Variants in N4BP2L2 observed in about 807,000 individuals in gnomAD.
N4BP2L2 encodes NEDD4 binding protein 2 like 2, also known as NEDD4-binding protein 2-like 2.
A neutral mutation model predicts 56.2 loss-of-function variants in N4BP2L2; 50 were observed. The observed-to-expected ratio is 0.89, with a 90% CI of 0.71 to 1.13. The LOEUF (loss-of-function observed/expected upper bound fraction) is 1.13. Among genes scored for constraint, N4BP2L2 ranks in the 50% most tolerant of loss-of-function variants. The pLI, the probability that N4BP2L2 is intolerant of heterozygous loss-of-function variation, is 0.00. For missense variants in N4BP2L2, 689 were observed against 693.8 expected (o/e 0.99, Z 0.08); for synonymous variants, 203 against 223.6 (o/e 0.91, Z 0.82).
rs1244319324 is a variant in N4BP2L2, at chr13:32,443,713, C to T, written c.779G>A (p.Cys260Tyr). ...GGAAAGGTTTTGAGTCAGTATTGGA[C>T]AAGTAACGGAGATTTCATTTGGCCT... The change falls in exon 7 of 10, where the codon TGT (cysteine) becomes TAT (tyrosine). Residue 260 changes from cysteine (C) to tyrosine (Y), a missense_variant. Cys to Tyr is a radical substitution (Grantham distance 194). Transcript: ENST00000357505. The T allele has an allele frequency of 1.9e-6, 3 of 1,588,952 alleles. No homozygotes were observed. The East Asian group carries it at 6.7e-5, about 36-fold the overall frequency.
At chr13:32,457,210 T>G (rs2079120962) in intron 6 of N4BP2L2, among the ~76,000 whole-genome samples, 1 of 151,988 alleles carries the variant, frequency 6.6e-6, no homozygotes, top group Non-Finnish European at 1.5e-5. Context: ...ATAAAAAGAA[T>G]GAACAAAACC....
chr13:32,500,797 C>T (rs1566133542), intron 6 of N4BP2L2, among the ~76,000 whole-genome samples: 1 of 150,732 alleles, frequency 6.6e-6, no homozygotes, highest in Non-Finnish European at 1.5e-5. Flanking sequence ...CGTCTTGTGC[C>T]TTCCAACATG....
chr13:32,441,327 G>T (rs1005850025), intron 7 of N4BP2L2, among the ~76,000 whole-genome samples: 1 of 152,110 alleles, frequency 6.6e-6, no homozygotes, highest in East Asian at 1.9e-4. Flanking sequence ...GTTGTATTTG[G>T]GAGCTATAAT....
chr13:32,447,061 CTCTT>C (rs2077155982), intron 6 of N4BP2L2, among the ~76,000 whole-genome samples: 1 of 152,176 alleles, frequency 6.6e-6, no homozygotes, highest in Non-Finnish European at 1.5e-5. Context: ...ATTTCCTTCT[CTCTT>C]TTTCTTCCTC....
chr13:32,492,916 G>GTTTTTTT lies in N4BP2L2; in HGVS notation c.365+24934_365+24940dup, dbSNP rs35025430. 1.0e-3 allele frequency among the ~76,000 whole-genome samples: 108 copies of GTTTTTTT among 107,492 alleles called. 2 individuals are homozygous for GTTTTTTT. Among genetic ancestry groups the GTTTTTTT allele is most frequent in the African/African-American group, 3.6e-3 (99 of 27,132 alleles). 70.5% of individuals were successfully genotyped at this position (107,492 alleles called of 152,430 possible). ...TGTGTGAATGTTTTGTAGCTTTTCTGTTTTTTTTTTTTTTTTTTTTGAGAC... is the reference window on the plus strand; with the variant it reads ...TGTGTGAATGTTTTGTAGCTTTTCTGTTTTTTTTTTTTTTTTTTTTTTTTTTTGAGAC... On this transcript the variant is annotated intron_variant, in intron 6 of 9. Transcript: ENST00000357505.
intron 6 of N4BP2L2, among the ~76,000 whole-genome samples, chr13:32,488,794 T>C (rs2086445955): frequency 6.6e-6 from 1 of 152,202 alleles, no homozygotes; most frequent in Non-Finnish European, 1.5e-5. Context: ...TCCAAATATT[T>C]TCTTCAGTAA....
At chr13:32,439,854 TCCAAA>T (rs1470691668) in intron 7 of N4BP2L2, among the ~76,000 whole-genome samples, 6,200 of 43,448 alleles carry the variant, frequency 0.14, 509 homozygotes, top group African/African-American at 0.29. Context: ...CTATTAAGAA[TCCAAA>T]AAAAAAAAAA....
intron 2 of N4BP2L2, among the ~76,000 whole-genome samples, chr13:32,528,126 C>A (rs2053615015): frequency 1.3e-5 from 2 of 152,162 alleles, no homozygotes; most frequent in African/African-American, 2.4e-5. Context: ...ACATTATTTA[C>A]CCAATCTCAA....
rs149282576 is a variant in N4BP2L2, at chr13:32,483,414, T to C, written c.365+34443A>G. The stretch of plus-strand genomic sequence containing the variant: ...TTAACCTCTATATTCTTATCTAAAA[T>C]TTCCTCATTAAAGCTATTAAGGTAA... On this transcript the variant is annotated intron_variant, in intron 6 of 9. Coordinates refer to the N4BP2L2 transcript ENST00000357505. Among the ~76,000 whole-genome samples, 299 of 152,346 alleles carry C rather than the reference T, an allele frequency of 2.0e-3. 2 individuals carry two copies. The highest frequency in any genetic ancestry group is 7.0e-3 in the African/African-American group (290 of 41,580).
At chr13:32,438,593 C>T in intron 8 of N4BP2L2, 2 of 1,358,800 alleles carry the variant, frequency 1.5e-6, no homozygotes, top group Non-Finnish European at 2.0e-6. Flanking sequence ...GAATGAAACT[C>T]CGTCTCAAAC....
exon 6 of N4BP2L2, chr13:32,513,712 A>G (rs1005665532): frequency 6.6e-6 from 1 of 152,168 alleles, no homozygotes; most frequent in African/African-American, 2.4e-5. Flanking sequence ...TCATAAGCTA[A>G]GATTTTGTTA....
chr13:32,493,346 T>C (rs181582199), intron 6 of N4BP2L2, among the ~76,000 whole-genome samples: 1 of 152,268 alleles, frequency 6.6e-6, no homozygotes, highest in East Asian at 1.9e-4. Context: ...GTTGCACATG[T>C]CCAAGAATTA....
chr13:32,439,129 C>G (rs945699339), intron 7 of N4BP2L2, among the ~76,000 whole-genome samples: 1 of 152,202 alleles, frequency 6.6e-6, no homozygotes, highest in Non-Finnish European at 1.5e-5. Flanking sequence ...TGTACAAACA[C>G]GGCTTATAAT....
chr13:32,459,710 C>T (rs1031556773), intron 6 of N4BP2L2, among the ~76,000 whole-genome samples: 2 of 152,032 alleles, frequency 1.3e-5, no homozygotes, highest in Non-Finnish European at 2.9e-5. Context: ...TAACGAACAT[C>T]CTATGCTCAT....
chr13:32,459,244 ACAGC>A (rs2079545293), intron 6 of N4BP2L2, among the ~76,000 whole-genome samples: 1 of 152,138 alleles, frequency 6.6e-6, no homozygotes, highest in Non-Finnish European at 1.5e-5. Flanking sequence ...AAAAGCAAAA[ACAGC>A]CAACCCCAAA....
Position 32,522,335 on chromosome 13 carries a change from A to G in N4BP2L2, c.1385-65T>C, listed in dbSNP as rs2051206378. ...AGGTTAAAACACACAAAAGTTAAAC[A>G]TTTATTATTAAGAAATGTACTACGT... On this transcript the variant is annotated intron_variant, in intron 3 of 5. Transcript: ENST00000267068. The G allele has an allele frequency of 1.0e-5, 11 of 1,079,012 alleles. No homozygotes were observed. The South Asian group carries it at 1.6e-4, about 16-fold the overall frequency. The allele number at this position is 1,079,012 out of a possible 1,614,324, so 66.8% of individuals were successfully genotyped here. A position where few individuals can be genotyped will look rare whatever the true frequency, so the allele number is the denominator to read the frequency against.
chr13:32,510,311 T>C (rs1266454257), exon 6 of N4BP2L2: 1 of 152,084 alleles, frequency 6.6e-6, no homozygotes, highest in Non-Finnish European at 1.5e-5. Flanking sequence ...AATCCATTTA[T>C]TGAACACTAT....
intron 1 of N4BP2L2, among the ~76,000 whole-genome samples, chr13:32,538,073 G>T (rs549316299): frequency 2.2e-5 from 3 of 136,124 alleles, no homozygotes; most frequent in South Asian, 2.9e-4. Context: ...CCCGTCTTGG[G>T]GGGGGGGGGC....
At chr13:32,471,303 T>C (rs557440217) in intron 6 of N4BP2L2, among the ~76,000 whole-genome samples, 1 of 152,198 alleles carries the variant, frequency 6.6e-6, no homozygotes, top group Admixed American at 6.5e-5. Context: ...GAGGGTGAAA[T>C]GTAAGGTATA....
Sources: allele counts gnomAD v4.1 joint callset (sites outside exome capture counted in the v4.1 genomes callset), GRCh38; gene constraint gnomAD v4.1.1; transcripts MANE v1.5; gene names NCBI Gene and HGNC (gene_info 2026-07-23, HGNC 2026-07-21).